Variants in STAG1 observed in about 807,000 individuals in gnomAD.
STAG1 encodes cohesin subunit SA-1.
In STAG1, 26 loss-of-function variants were observed where a neutral mutation model predicts 170.9. The ratio of observed to expected loss-of-function variants is 0.15; its 90% CI spans 0.11 to 0.21. STAG1 has a LOEUF of 0.21. STAG1 is among the 10% of genes least tolerant of loss of function. STAG1 has a pLI of 1.00. For missense variants in STAG1, 964 were observed against 1,509.5 expected (o/e 0.64, Z 5.99); for synonymous variants, 514 against 497.7 (o/e 1.03, Z -0.44).
rs185950538 is a variant in STAG1 at position 136,509,876 on chromosome 3, T to C, written c.677-7097A>G. ...CCTATTATACCTTTGAAAACTATTG[T>C]TATACACCTTGGAAATATGTCTGAT... On this transcript the variant is annotated intron_variant, in intron 7 of 33. Transcript: ENST00000383202. Among the ~76,000 whole-genome samples, 18 of 152,382 alleles carry C rather than the reference T, an allele frequency of 1.2e-4. No homozygotes were observed. In the East Asian group the frequency reaches 3.5e-3, roughly 29 times the overall value.
chr3:136,591,556 GAA>G (rs746552079), intron 4 of STAG1: 1,619 of 349,072 alleles, frequency 4.6e-3, no homozygotes, highest in South Asian at 6.5e-3. Context: ...ATCTCTATTT[GAA>G]AAAAAAAAAA....
chr3:136,702,075 A>AAGAGAGAGAGAGAGAGAGAGAGAG (rs745623191), intron 1 of STAG1, among the ~76,000 whole-genome samples: 8 of 92,162 alleles, frequency 8.7e-5, no homozygotes, highest in African/African-American at 1.4e-4. Flanking sequence ...ACCATGCCGA[A>AAGAGAGAGAGAGAGAGAGAGAGAG]AGAGAGAGAG....
chr3:136,527,636 G>T (rs1935113006), intron 6 of STAG1, among the ~76,000 whole-genome samples: 1 of 152,164 alleles, frequency 6.6e-6, no homozygotes, highest in South Asian at 2.1e-4. Context: ...GAGGAGCTGT[G>T]TTCCTTTGGA....
At chr3:136,736,520 C>A in intron 1 of STAG1, 4 of 1,439,884 alleles carry the variant, frequency 2.8e-6, no homozygotes, top group Admixed American at 1.7e-5. Flanking sequence ...TTTTTACTTT[C>A]GGTGGTCTCA....
chr3:136,730,096 C>T (rs1197876357), intron 1 of STAG1, among the ~76,000 whole-genome samples: 1 of 151,824 alleles, frequency 6.6e-6, no homozygotes, highest in Non-Finnish European at 1.5e-5. Context: ...CACCCAGGCC[C>T]TCTGTCACTG....
At chr3:136,360,846 T>C (rs1936836260) in intron 26 of STAG1, among the ~76,000 whole-genome samples, 1 of 152,064 alleles carries the variant, frequency 6.6e-6, no homozygotes, top group Non-Finnish European at 1.5e-5. Context: ...TTTTTTGTAT[T>C]TTTAGTAGAG....
At chr3:136,643,518 G>C (rs1173754752) in intron 1 of STAG1, among the ~76,000 whole-genome samples, 1 of 152,122 alleles carries the variant, frequency 6.6e-6, no homozygotes, top group Non-Finnish European at 1.5e-5. Flanking sequence ...TATTCTTCTT[G>C]TTTGTTTTGA....
chr3:136,712,738 C>G (rs1943418055), intron 1 of STAG1, among the ~76,000 whole-genome samples: 1 of 152,154 alleles, frequency 6.6e-6, no homozygotes, highest in African/African-American at 2.4e-5. Flanking sequence ...TACCTTATGA[C>G]CAAGAGATTT....
At position 136,338,462 on chromosome 3, in the gene STAG1, A is replaced by G; in HGVS notation, c.3673-12T>C. 2 of 1,609,992 alleles carry G rather than the reference A, an allele frequency of 1.2e-6. No individual in the cohort carries two copies. Among genetic ancestry groups the G allele is most frequent in the Non-Finnish European group, 1.7e-6 (2 of 1,176,794 alleles). On this transcript the variant is annotated splice_polypyrimidine_tract_variant and intron_variant, in intron 32 of 33. Transcript: ENST00000383202. ...TTTCTTGATGGAGGCTGGAAAGAGAAATCGGTTTCTTAATTTTTTTCTGAG... is the reference window on the plus strand; with the variant it reads ...TTTCTTGATGGAGGCTGGAAAGAGAGATCGGTTTCTTAATTTTTTTCTGAG...
intron 4 of STAG1, among the ~76,000 whole-genome samples, chr3:136,585,710 G>A (rs1021890646): frequency 6.6e-6 from 1 of 152,072 alleles, no homozygotes; most frequent in Non-Finnish European, 1.5e-5. Flanking sequence ...ACTGACTCCA[G>A]ATTAAGAAAT....
In STAG1 at chr3:136,421,063, G is replaced by A. The variant is rs780409008; in HGVS notation, c.2108+30C>T. On this transcript the variant is annotated intron_variant, in intron 20 of 33. Coordinates refer to ENST00000383202, the MANE Select transcript of STAG1 (RefSeq NM_005862.3). Reference sequence around the variant, plus strand: ...TGGGGTTACAGGCATGAGCCACCTCGTTGCCTTTACTTTAAATAAAATAAC... The same window carrying A: ...TGGGGTTACAGGCATGAGCCACCTCATTGCCTTTACTTTAAATAAAATAAC... 118 of 1,458,232 alleles carry A rather than the reference G, an allele frequency of 8.1e-5. 1 individual carries two copies. Among genetic ancestry groups the A allele is most frequent in the South Asian group, 9.7e-5 (8 of 82,310 alleles). The allele number at this position is 1,458,232 out of a possible 1,614,324, so 90.3% of individuals were successfully genotyped here.
chr3:136,474,332 G>C (rs548974700), intron 10 of STAG1, among the ~76,000 whole-genome samples: 11 of 152,118 alleles, frequency 7.2e-5, no homozygotes, highest in Non-Finnish European at 1.6e-4. Context: ...CCAAGTTCTG[G>C]AATCAGATAC....
intron 22 of STAG1, 128 bp from the exon 23 acceptor site, chr3:136,377,880 G>T: frequency 1.4e-6 from 1 of 707,356 alleles, no homozygotes. Context: ...CAAATTTAAT[G>T]TTGGGAACCA....
intron 15 of STAG1, among the ~76,000 whole-genome samples, chr3:136,436,144 C>T (rs1226659332): frequency 1.3e-5 from 2 of 151,786 alleles, no homozygotes; most frequent in African/African-American, 4.8e-5. Context: ...TTAGGAGAGT[C>T]GGGGTTTCAC....
intron 1 of STAG1, among the ~76,000 whole-genome samples, chr3:136,732,557 T>C (rs1433130926): frequency 6.6e-6 from 1 of 152,224 alleles, no homozygotes. Flanking sequence ...ACGCTGGTGA[T>C]AACCTTCATC....
chr3:136,484,242 T>C (rs1331249884), intron 9 of STAG1, among the ~76,000 whole-genome samples: 6 of 152,098 alleles, frequency 3.9e-5, no homozygotes, highest in Non-Finnish European at 8.8e-5. Context: ...GATGGTGATG[T>C]ACAGATGGGT....
chr3:136,538,423 T>C (rs1935743875), intron 6 of STAG1, among the ~76,000 whole-genome samples: 1 of 151,302 alleles, frequency 6.6e-6, no homozygotes, highest in African/African-American at 2.4e-5. Flanking sequence ...CTTTTTTTTT[T>C]TTTTCTTTTT....
intron 16 of STAG1, among the ~76,000 whole-genome samples, chr3:136,430,804 CAG>C (rs1234024471): frequency 1.4e-4 from 16 of 116,524 alleles, no homozygotes; most frequent in African/African-American, 5.5e-4. Context: ...CAGACATAGA[CAG>C]ACACACACAC....
intron 15 of STAG1, among the ~76,000 whole-genome samples, chr3:136,439,255 G>A (rs1331479660): frequency 7.1e-6 from 1 of 140,796 alleles, no homozygotes; most frequent in Non-Finnish European, 1.5e-5. Flanking sequence ...TACAGTTTAA[G>A]AAGCTGATAT....
Sources: gnomAD v4.1 joint callset for allele counts (sites outside exome capture counted in the v4.1 genomes callset) on GRCh38, gnomAD v4.1.1 for gene constraint, MANE v1.5 for transcripts, NCBI Gene and HGNC (gene_info 2026-07-23, HGNC 2026-07-21) for gene names.